Variants in PLPPR1 observed in about 807,000 individuals in gnomAD.
PLPPR1 encodes phospholipid phosphatase related 1.
Under a neutral mutation model 33.1 loss-of-function variants are expected in PLPPR1, and 10 were observed. That is an observed-to-expected ratio of 0.30 (90% CI 0.19 to 0.51). PLPPR1 has a LOEUF of 0.51. Ranked by LOEUF, PLPPR1 falls within the 20% of genes least tolerant of loss-of-function variation. The pLI is 0.97. For synonymous variants in PLPPR1, 151 were observed against 151.0 expected (o/e 1.00, Z 0.00); for missense variants, 304 against 408.1 (o/e 0.74, Z 2.20).
chr9:101,039,366 AAATT>A (rs1346877743), intron 1 of PLPPR1, among the ~76,000 whole-genome samples: 1 of 152,182 alleles, frequency 6.6e-6, no homozygotes, highest in African/African-American at 2.4e-5. Flanking sequence ...TGAGATAAAT[AAATT>A]ACTTGCCTGA....
chr9:101,229,797 C>T (rs1425084527), intron 2 of PLPPR1, among the ~76,000 whole-genome samples: 5 of 152,074 alleles, frequency 3.3e-5, no homozygotes, highest in African/African-American at 4.8e-5. Flanking sequence ...ATTCTAAAGC[C>T]TCTCCAATTT....
intron 3 of PLPPR1, among the ~76,000 whole-genome samples, chr9:101,283,141 A>G (rs1463440911): frequency 1.3e-5 from 2 of 152,182 alleles, no homozygotes; most frequent in Non-Finnish European, 1.5e-5. Context: ...CCAGCTATCA[A>G]TGATATTTTT....
chr9:101,172,782 G>T (rs1470651185), intron 1 of PLPPR1, among the ~76,000 whole-genome samples: 1 of 152,012 alleles, frequency 6.6e-6, no homozygotes, highest in Non-Finnish European at 1.5e-5. Flanking sequence ...CTGGCCACTT[G>T]CCTGGATTCC....
chr9:101,029,576 G>A (rs1398603471), intron 1 of PLPPR1, among the ~76,000 whole-genome samples: 1 of 152,168 alleles, frequency 6.6e-6, no homozygotes, highest in African/African-American at 2.4e-5. Flanking sequence ...TTTCCCTCAG[G>A]CATGGGCACC....
intron 1 of PLPPR1, among the ~76,000 whole-genome samples, chr9:101,087,818 G>A (rs757826493): frequency 6.6e-6 from 1 of 152,102 alleles, no homozygotes; most frequent in East Asian, 1.9e-4. Flanking sequence ...TGACTATTTG[G>A]TATTATTTTA....
chr9:101,291,103 A>C (rs1464614413), intron 4 of PLPPR1, among the ~76,000 whole-genome samples: 2 of 152,238 alleles, frequency 1.3e-5, no homozygotes, highest in African/African-American at 4.8e-5. Flanking sequence ...TTTTCCGACA[A>C]CAGGCTTAAA....
Position 101,110,009 on chromosome 9 carries a change from CAGTT to C in PLPPR1, c.-45-75437_-45-75434del, listed in dbSNP as rs149691797. Among the ~76,000 whole-genome samples, 638 of 152,256 alleles carry C rather than the reference CAGTT, an allele frequency of 4.2e-3. 5 individuals are homozygous for C. Among genetic ancestry groups the C allele is most frequent in the African/African-American group, 0.014 (590 of 41,552 alleles). ...CAGCAAAGTATCCCAGACATGTAAA[CAGTT>C]AGTCATTTTCAACAGTACTAAAAGA... On this transcript the variant is annotated intron_variant, in intron 1 of 7. Coordinates refer to ENST00000374874, the MANE Select transcript of PLPPR1 (RefSeq NM_207299.2).
chr9:101,130,704 G>A (rs977215161), intron 1 of PLPPR1, among the ~76,000 whole-genome samples: 3 of 152,158 alleles, frequency 2.0e-5, no homozygotes, highest in Admixed American at 6.5e-5. Context: ...ACTTCTGGGC[G>A]CTTATCTTCT....
intron 1 of PLPPR1, among the ~76,000 whole-genome samples, chr9:101,141,862 A>G (rs1201003564): frequency 6.6e-6 from 1 of 151,920 alleles, no homozygotes; most frequent in African/African-American, 2.4e-5. Context: ...GTGATTCCCC[A>G]CCCCAGATCA....
chr9:101,083,817 A>G (rs1830648179), intron 1 of PLPPR1, among the ~76,000 whole-genome samples: 2 of 152,236 alleles, frequency 1.3e-5, no homozygotes. Flanking sequence ...ACTAAGAGAA[A>G]GAAAGAATAT....
rs557978393 is a variant in PLPPR1 at position 101,163,118 on chromosome 9, ATC to A, written c.-45-22330_-45-22329del. 1.5e-4 allele frequency among the ~76,000 whole-genome samples: 23 copies of A among 152,320 alleles called. No individual in the cohort carries two copies. The South Asian group carries it at 4.1e-3, about 27-fold the overall frequency. The stretch of plus-strand genomic sequence containing the variant: ...ATTAACCTAAGCTAAGTAATTAATG[ATC>A]TTTTTATCTGTGTGAATAAGGAGAA... On this transcript the variant is annotated intron_variant, in intron 1 of 7. Transcript: ENST00000374874.
At chr9:101,252,291 A>T (rs796633688) in intron 2 of PLPPR1, among the ~76,000 whole-genome samples, 1 of 152,150 alleles carries the variant, frequency 6.6e-6, no homozygotes, top group South Asian at 2.1e-4. Flanking sequence ...TGTTACTCCC[A>T]CAATGTGAAA....
At chr9:101,109,222 C>T (rs1831019881) in intron 1 of PLPPR1, among the ~76,000 whole-genome samples, 2 of 150,864 alleles carry the variant, frequency 1.3e-5, no homozygotes, top group African/African-American at 4.9e-5. Context: ...GATCCGCCGG[C>T]CTCGGCCTCC....
intron 1 of PLPPR1, among the ~76,000 whole-genome samples, chr9:101,132,065 C>T (rs1192184917): frequency 1.3e-5 from 2 of 152,186 alleles, no homozygotes; most frequent in African/African-American, 2.4e-5. Context: ...TTTTCCATAA[C>T]TACATTTGTC....
chr9:101,038,680 A>G (rs1447496443), intron 1 of PLPPR1, among the ~76,000 whole-genome samples: 2 of 152,116 alleles, frequency 1.3e-5, no homozygotes, highest in Admixed American at 6.5e-5. Context: ...CCCCACATCA[A>G]GAAGAGGGAA....
At chr9:101,289,541 A>T (rs1828455124) in intron 4 of PLPPR1, among the ~76,000 whole-genome samples, 1 of 152,208 alleles carries the variant, frequency 6.6e-6, no homozygotes, top group Non-Finnish European at 1.5e-5. Context: ...ACATGTTGTG[A>T]GAGGGACCTG....
At chr9:101,103,238 T>C (rs1830934682) in intron 1 of PLPPR1, among the ~76,000 whole-genome samples, 1 of 124,750 alleles carries the variant, frequency 8.0e-6, no homozygotes, top group Non-Finnish European at 1.7e-5. Flanking sequence ...ATGTCCTGAA[T>C]GGTAATGCCT....
chr9:101,260,842 C>T (rs1316358009), intron 2 of PLPPR1, among the ~76,000 whole-genome samples: 3 of 152,090 alleles, frequency 2.0e-5, no homozygotes, highest in Non-Finnish European at 2.9e-5. Flanking sequence ...AAGATAGATC[C>T]TGGGTGGGTA....
chr9:101,273,656 A>G (rs1019431187), intron 3 of PLPPR1, among the ~76,000 whole-genome samples: 3 of 152,240 alleles, frequency 2.0e-5, no homozygotes, highest in Admixed American at 6.5e-5. Context: ...TCCCAAATTT[A>G]TAATTATAAA....
Sources: gnomAD v4.1 joint callset for allele counts (sites outside exome capture counted in the v4.1 genomes callset) on GRCh38, gnomAD v4.1.1 for gene constraint, MANE v1.5 for transcripts, NCBI Gene and HGNC (gene_info 2026-07-23, HGNC 2026-07-21) for gene names.